Variants in DDAH1 observed in about 807,000 individuals in gnomAD.
DDAH1 encodes the protein N(G),N(G)-dimethylarginine dimethylaminohydrolase 1.
DDAH1 carries 19 observed loss-of-function variants against 28.8 expected under a neutral mutation model. The observed-to-expected ratio is 0.66, with a 90% CI of 0.46 to 0.97. The LOEUF (loss-of-function observed/expected upper bound fraction) is 0.97, where lower values mean the gene tolerates loss of function less well. Among genes scored for constraint, DDAH1 ranks in the 50% least tolerant of loss-of-function variants. The pLI is 0.00. For synonymous variants in DDAH1, 153 were observed against 154.4 expected (o/e 0.99, Z 0.07); for missense variants, 326 against 375.9 (o/e 0.87, Z 1.10).
At chr1:85,414,103 A>G (rs895292477) in intron 1 of DDAH1, among the ~76,000 whole-genome samples, 1 of 152,220 alleles carries the variant, frequency 6.6e-6, no homozygotes, top group African/African-American at 2.4e-5. Flanking sequence ...AGTAATTAAT[A>G]CAGTGGTATG....
At chr1:85,328,753 T>G (rs552291467) in intron 4 of DDAH1, among the ~76,000 whole-genome samples, 21 of 152,338 alleles carry the variant, frequency 1.4e-4, no homozygotes, top group African/African-American at 5.1e-4. Context: ...CAACCACTGC[T>G]ACCTGGTCAA....
At chr1:85,452,606 G>A (rs1274264015) in intron 1 of DDAH1, among the ~76,000 whole-genome samples, 1 of 151,876 alleles carries the variant, frequency 6.6e-6, no homozygotes. Context: ...CTTAAAATTT[G>A]AAAATCACCA....
chr1:85,484,320 G>A (rs897726664), intron 2 of DDAH1, among the ~76,000 whole-genome samples: 1 of 151,500 alleles, frequency 6.6e-6, no homozygotes, highest in Non-Finnish European at 1.5e-5. Context: ...CAACTTTGTG[G>A]TATAATGAAT....
chr1:85,338,892 C>A (rs1018330800), intron 4 of DDAH1, among the ~76,000 whole-genome samples: 8 of 146,686 alleles, frequency 5.5e-5, no homozygotes, highest in African/African-American at 1.5e-4. Context: ...AAAAAAAATA[C>A]AAAAATTAGC....
In DDAH1 at chr1:85,523,838, G is replaced by T. The variant is rs1162760694; in HGVS notation, c.-122-27557C>A. 3.3e-5 allele frequency among the ~76,000 whole-genome samples: 5 copies of T among 152,232 alleles called. No individual in the cohort carries two copies. The East Asian group carries it at 7.7e-4, about 24-fold the overall frequency. ...GTTCAGGAGTAAAGCTGCTATTGTTGGTTGTCTTTGGCATTAACATTAAGG... is the reference window on the plus strand; with the variant it reads ...GTTCAGGAGTAAAGCTGCTATTGTTTGTTGTCTTTGGCATTAACATTAAGG... On this transcript the variant is annotated intron_variant, in intron 1 of 6. Coordinates refer to the DDAH1 transcript ENST00000426972.
At chr1:85,372,965 T>C (rs1650462701) in intron 1 of DDAH1, among the ~76,000 whole-genome samples, 1 of 137,708 alleles carries the variant, frequency 7.3e-6, no homozygotes, top group African/African-American at 2.6e-5. Context: ...GCACACAATC[T>C]GTCGGCAAAA....
rs147134444 is a variant in DDAH1, at chr1:85,557,217, C to T, written c.-123+20767G>A. Among the ~76,000 whole-genome samples the T allele has an allele frequency of 5.0e-3, 754 of 152,298 alleles. 3 individuals are homozygous for T. The highest frequency in any genetic ancestry group is 9.0e-3 in the Non-Finnish European group (611 of 68,016). On this transcript the variant is annotated intron_variant, in intron 1 of 6. Coordinates refer to the DDAH1 transcript ENST00000426972. ...TCTCTTCAGTGAAGACAGGAACTGT[C>T]TTTTGCATTTACCACTATATCTCCT...
intron 1 of DDAH1, among the ~76,000 whole-genome samples, chr1:85,406,016 C>T (rs1016400442): frequency 6.6e-6 from 1 of 152,226 alleles, no homozygotes; most frequent in Non-Finnish European, 1.5e-5. Flanking sequence ...CCAGGACCCA[C>T]TATGTGCCAG....
At chr1:85,494,585 A>G (rs1656517199) in intron 2 of DDAH1, 1 of 152,324 alleles carries the variant, frequency 6.6e-6, no homozygotes, top group African/African-American at 2.4e-5. Flanking sequence ...AAACCAGTCT[A>G]GAGTTTCACA....
chr1:85,500,806 T>C (rs183752889), intron 1 of DDAH1, among the ~76,000 whole-genome samples: 11 of 150,412 alleles, frequency 7.3e-5, no homozygotes, highest in Admixed American at 2.0e-4. Flanking sequence ...TATTGCCCTG[T>C]CTTCAATGTC....
At chr1:85,390,940 T>C (rs1223466850) in intron 1 of DDAH1, among the ~76,000 whole-genome samples, 1 of 152,206 alleles carries the variant, frequency 6.6e-6, no homozygotes, top group Non-Finnish European at 1.5e-5. Flanking sequence ...TAACTGTACT[T>C]GAATCCCAAG....
chr1:85,454,295 G>A (rs976238783), intron 1 of DDAH1, among the ~76,000 whole-genome samples: 5 of 152,118 alleles, frequency 3.3e-5, no homozygotes, highest in African/African-American at 1.2e-4. Flanking sequence ...CATGTTCCCC[G>A]ATCACACCTA....
intron 5 of DDAH1, among the ~76,000 whole-genome samples, chr1:85,323,961 C>A (rs1389580025): frequency 2.9e-5 from 4 of 138,916 alleles, no homozygotes; most frequent in African/African-American, 8.4e-5. Flanking sequence ...AGAGCAAGAT[C>A]CTGTCTCAAA....
chr1:85,498,167 G>C (rs770680692), intron 1 of DDAH1, among the ~76,000 whole-genome samples: 23 of 152,206 alleles, frequency 1.5e-4, no homozygotes, highest in Non-Finnish European at 2.9e-4. Context: ...TCCTTCTCCA[G>C]GGTGAATTTT....
At chr1:85,364,547 ACTTT>A (rs1261244803) in intron 1 of DDAH1, among the ~76,000 whole-genome samples, 2 of 136,742 alleles carry the variant, frequency 1.5e-5, no homozygotes, top group Non-Finnish European at 1.6e-5. Flanking sequence ...TGTGCTGATT[ACTTT>A]CTTTTTTTTT....
chr1:85,401,420 GAA>G (rs1652097308), intron 1 of DDAH1, among the ~76,000 whole-genome samples: 1 of 151,462 alleles, frequency 6.6e-6, no homozygotes, highest in South Asian at 2.1e-4. Flanking sequence ...TTACTTTTAG[GAA>G]AAAGAGTTGT....
intron 4 of DDAH1, among the ~76,000 whole-genome samples, chr1:85,348,904 A>G (rs1649028179): frequency 6.6e-6 from 1 of 152,196 alleles, no homozygotes; most frequent in South Asian, 2.1e-4. Context: ...CACTTTTTCT[A>G]GTTGGTCCAC....
At chr1:85,466,630 C>T (rs1021332035), upstream of DDAH1, among the ~76,000 whole-genome samples, 13 of 152,006 alleles carry the variant, frequency 8.6e-5, no homozygotes, top group Non-Finnish European at 1.8e-4. Flanking sequence ...CCTTTAAGAC[C>T]GACTAGGTAG....
rs114986792 is a variant in DDAH1, at chr1:85,415,411, C to A, written c.303+49332G>T. On this transcript the variant is annotated intron_variant, in intron 1 of 5. Coordinates refer to ENST00000284031, the MANE Select transcript of DDAH1 (RefSeq NM_012137.4). ...CTTAAAATCTTGTACACTTTACAAG[C>A]CAGCTCTACTTCTAGAAATCTGAGA... Among the ~76,000 whole-genome samples the A allele has an allele frequency of 7.0e-3, 1,062 of 152,276 alleles. 12 individuals are homozygous for A. The highest frequency in any genetic ancestry group is 0.024 in the African/African-American group (1,012 of 41,562).
Sources: gnomAD v4.1 joint callset for allele counts (sites outside exome capture counted in the v4.1 genomes callset) on GRCh38, gnomAD v4.1.1 for gene constraint, MANE v1.5 for transcripts, NCBI Gene and HGNC (gene_info 2026-07-23, HGNC 2026-07-21) for gene names.